Variants in GRM5 observed in about 807,000 individuals in gnomAD.
The protein encoded by GRM5 is glutamate metabotropic receptor 5.
GRM5 carries 19 observed loss-of-function variants against 83.1 expected under a neutral mutation model. The observed-to-expected ratio is 0.23, with a 90% confidence interval of 0.16 to 0.34. The LOEUF (loss-of-function observed/expected upper bound fraction) is 0.34. Among genes scored for constraint, GRM5 ranks in the 10% least tolerant of loss-of-function variants. GRM5 has a pLI of 1.00. For synonymous variants in GRM5, 675 were observed against 633.6 expected (o/e 1.07, Z -0.98); for missense variants, 1,160 against 1,588.3 (o/e 0.73, Z 4.58).
chr11:89,032,075 G>T (rs1941275482), intron 2 of GRM5, among the ~76,000 whole-genome samples: 1 of 151,800 alleles, frequency 6.6e-6, no homozygotes, highest in Non-Finnish European at 1.5e-5. Flanking sequence ...TTTTATGTTT[G>T]TTTACCATTA....
intron 3 of GRM5, among the ~76,000 whole-genome samples, chr11:88,693,213 G>T (rs1940821665): frequency 6.6e-6 from 1 of 152,086 alleles, no homozygotes; most frequent in South Asian, 2.1e-4. Context: ...ACTATGTTAG[G>T]TACTATGGGA....
rs183090896 is a variant in GRM5, at chr11:88,913,874, A to T, written c.662-63719T>A. ...AGTGCTAGAATTACAGGTGTGAGCC[A>T]TGTGGCCTACAGTTCCATATCTCAC... On this transcript the variant is annotated intron_variant, in intron 2 of 9. Transcript: ENST00000305447. 4.6e-5 allele frequency among the ~76,000 whole-genome samples: 7 copies of T among 152,244 alleles called. No individual in the cohort carries two copies. The East Asian group carries it at 1.4e-3, about 29-fold the overall frequency.
At chr11:88,599,263 C>T (rs1227336657) in intron 5 of GRM5, among the ~76,000 whole-genome samples, 2 of 152,166 alleles carry the variant, frequency 1.3e-5, no homozygotes, top group Non-Finnish European at 2.9e-5. Context: ...TCACATTTGA[C>T]AGGGAACTTG....
At chr11:88,712,462 A>G (rs1206936786) in intron 3 of GRM5, among the ~76,000 whole-genome samples, 2 of 152,022 alleles carry the variant, frequency 1.3e-5, no homozygotes, top group Non-Finnish European at 2.9e-5. Flanking sequence ...TATTTATTTC[A>G]TCTTGCACTG....
intron 2 of GRM5, among the ~76,000 whole-genome samples, chr11:88,980,598 G>A (rs1319211728): frequency 2.6e-5 from 4 of 152,116 alleles, no homozygotes; most frequent in South Asian, 4.1e-4. Context: ...AGAGGTGGGT[G>A]GATCACCAGG....
chr11:88,553,966 A>T (rs970893130), intron 8 of GRM5, among the ~76,000 whole-genome samples: 2 of 152,140 alleles, frequency 1.3e-5, no homozygotes, highest in Admixed American at 6.5e-5. Flanking sequence ...AGGATCATTC[A>T]TCTGGGATCC....
intron 3 of GRM5, among the ~76,000 whole-genome samples, chr11:88,736,774 T>G (rs1001795880): frequency 2.6e-5 from 4 of 152,038 alleles, no homozygotes; most frequent in Admixed American, 6.6e-5. Context: ...CATGACAAGA[T>G]TAAAGTGCCA....
chr11:88,925,280 C>A (rs1405998834), intron 2 of GRM5, among the ~76,000 whole-genome samples: 4 of 152,028 alleles, frequency 2.6e-5, no homozygotes, highest in African/African-American at 7.2e-5. Flanking sequence ...ATTACTCTTT[C>A]AGAGTTGAGG....
rs199551301 is a variant in GRM5, at chr11:88,570,550, A to AATATATATATATATATAT, written c.1691-2576_1691-2559dup. 1.6e-3 allele frequency among the ~76,000 whole-genome samples: 113 copies of AATATATATATATATATAT among 71,886 alleles called. 1 individual carries two copies. The highest frequency in any genetic ancestry group is 8.1e-3 in the Middle Eastern group (1 of 124). 47.2% of individuals were successfully genotyped at this position (71,886 alleles called of 152,430 possible). A position where few individuals can be genotyped will look rare whatever the true frequency, so the allele number is the denominator to read the frequency against. On this transcript the variant is annotated intron_variant, in intron 7 of 9. Coordinates refer to ENST00000305447, the MANE Select transcript of GRM5 (RefSeq NM_001143831.3). ...CTGTTTTACCAAAAAAAGTATTAAT[A>AATATATATATATATATAT]ATATATATATATATATATATATTTT...
chr11:88,793,925 C>T (rs2135477881), intron 3 of GRM5, among the ~76,000 whole-genome samples: 1 of 152,228 alleles, frequency 6.6e-6, no homozygotes, highest in East Asian at 1.9e-4. Context: ...TGCTGGGCTC[C>T]TGTGGTCCTC....
At chr11:88,527,380 C>T (rs1175343952) in intron 8 of GRM5, among the ~76,000 whole-genome samples, 1 of 152,092 alleles carries the variant, frequency 6.6e-6, no homozygotes, top group African/African-American at 2.4e-5. Flanking sequence ...CATGACCACA[C>T]ACACTCTGCC....
At chr11:88,933,401 A>G (rs1937782928) in intron 2 of GRM5, among the ~76,000 whole-genome samples, 1 of 151,798 alleles carries the variant, frequency 6.6e-6, no homozygotes, top group East Asian at 1.9e-4. Flanking sequence ...CTCCTGACTT[A>G]CTGTTCATTG....
rs58232495 is a variant in GRM5, at chr11:88,765,395, G to GA, written c.911+84510dup. ...TGAGCTCAAATAGCCAAGACAATTT[G>GA]AAAAAAAAAAAAAAAAAAAACAAAG... On this transcript the variant is annotated intron_variant, in intron 3 of 9. Transcript: ENST00000305447. Among the ~76,000 whole-genome samples the GA allele has an allele frequency of 5.1e-4, 63 of 123,422 alleles. 1 individual carries two copies. The East Asian group carries it at 8.8e-3, about 17-fold the overall frequency. The allele number at this position is 123,422 out of a possible 152,430, so 81.0% of individuals were successfully genotyped here.
At chr11:89,064,854 T>TTC (rs144985912) in intron 1 of GRM5, among the ~76,000 whole-genome samples, 7,152 of 45,914 alleles carry the variant, frequency 0.16, 698 homozygotes, top group Middle Eastern at 0.23. Context: ...ATTTTTCATA[T>TTC]TCTCTCTCTC....
chr11:88,883,391 CAA>C (rs1944993086), intron 2 of GRM5, among the ~76,000 whole-genome samples: 1 of 152,076 alleles, frequency 6.6e-6, no homozygotes, highest in Admixed American at 6.6e-5. Flanking sequence ...TCTTTCTATG[CAA>C]AAAGACTGTG....
intron 9 of GRM5, among the ~76,000 whole-genome samples, chr11:88,522,163 C>T (rs1410680901): frequency 2.0e-5 from 3 of 152,128 alleles, no homozygotes; most frequent in African/African-American, 7.2e-5. Flanking sequence ...TTGGCTTTGA[C>T]TCCTGGAAGC....
At chr11:88,552,091 C>G (rs899041782) in intron 8 of GRM5, among the ~76,000 whole-genome samples, 3 of 151,232 alleles carry the variant, frequency 2.0e-5, no homozygotes, top group African/African-American at 7.3e-5. Context: ...GTGGCATGAC[C>G]ATAGCTCACT....
chr11:88,653,961 C>G (rs10741489), intron 3 of GRM5, among the ~76,000 whole-genome samples: 151,308 of 152,216 alleles, frequency 0.99, 75,212 homozygotes, highest in East Asian at 1. Flanking sequence ...ATGTTGATTT[C>G]CCAAGCCTCG....
chr11:88,531,779 C>T (rs1942014781), intron 8 of GRM5, among the ~76,000 whole-genome samples: 1 of 152,118 alleles, frequency 6.6e-6, no homozygotes, highest in Non-Finnish European at 1.5e-5. Flanking sequence ...TTATCCTGCT[C>T]CAGGTTTTGT....
Sources: allele counts gnomAD v4.1 joint callset (sites outside exome capture counted in the v4.1 genomes callset), GRCh38; gene constraint gnomAD v4.1.1; transcripts MANE v1.5; gene names NCBI Gene and HGNC (gene_info 2026-07-23, HGNC 2026-07-21).